Variants in DENND3 observed in about 807,000 individuals in gnomAD.
DENND3 encodes DENN domain containing 3.
In DENND3, 88 loss-of-function variants were observed where a neutral mutation model predicts 135.1. That is an observed-to-expected ratio of 0.65 (90% CI 0.55 to 0.78). The LOEUF (loss-of-function observed/expected upper bound fraction) is 0.78. DENND3 is among the 30% of genes least tolerant of loss of function. The pLI, the probability that DENND3 is intolerant of heterozygous loss-of-function variation, is 0.00. For missense variants in DENND3, 1,392 were observed against 1,688.4 expected, an observed-to-expected ratio of 0.82 and a Z score of 3.08; for synonymous variants, 693 against 712.3, an observed-to-expected ratio of 0.97 and a Z score of 0.43.
intron 19 of DENND3, among the ~76,000 whole-genome samples, chr8:141,190,029 G>C (rs1383539343): frequency 1.3e-5 from 2 of 152,100 alleles, no homozygotes; most frequent in African/African-American, 4.8e-5. Flanking sequence ...CGAGAAACCC[G>C]CCTTTTCCTG....
Position 141,194,301 on chromosome 8 carries a change from C to T in DENND3, c.*68C>T. The T allele has an allele frequency of 6.4e-7, 1 of 1,553,638 alleles. No individual in the cohort carries two copies. Among genetic ancestry groups the T allele is most frequent in the South Asian group, 1.2e-5 (1 of 84,250 alleles). ...GGACTGGCTGCCCCCTAGAGCCTGC[C>T]AGGAGCAGAAGCCTGGAGGGGTGGC... is the stretch of plus-strand genomic sequence containing the variant. On this transcript the variant is annotated 3_prime_UTR_variant, in exon 23 of 23. Transcript: ENST00000519811.
chr8:141,177,120 C>T (rs1282750219), intron 15 of DENND3: 5 of 224,498 alleles, frequency 2.2e-5, no homozygotes, highest in Admixed American at 5.3e-5. Flanking sequence ...GTGTTTTGGG[C>T]TTCCCTGCTC....
intron 18 of DENND3, among the ~76,000 whole-genome samples, chr8:141,188,125 C>A (rs1243018163): frequency 7.0e-6 from 1 of 143,040 alleles, no homozygotes; most frequent in Non-Finnish European, 1.5e-5. Context: ...ACTCGGGGGT[C>A]TGAAGCGGGA....
chr8:141,163,225 T>C, intron 9 of DENND3, 108 bp from the exon 10 acceptor site: 1 of 582,632 alleles, frequency 1.7e-6, no homozygotes, highest in Non-Finnish European at 3.1e-6. Flanking sequence ...AGAACATGGC[T>C]TTTTCAAAGT....
In DENND3 at chr8:141,144,070, T is replaced by G; in HGVS notation, c.624-78T>G. On this transcript the variant is annotated intron_variant, in intron 4 of 22. Coordinates refer to ENST00000519811, the MANE Select transcript of DENND3 (RefSeq NM_001352890.3). The surrounding 1 kb of genome is among the most constrained non-coding windows in gnomAD (Gnocchi z 4.4). Reference sequence around the variant, plus strand: ...GCTGCAGACGCTGGGGAGATTCCAGTGTGATTAGAAACGCTAACGATGACA... The same window carrying G: ...GCTGCAGACGCTGGGGAGATTCCAGGGTGATTAGAAACGCTAACGATGACA... 8.2e-7 allele frequency: 1 copy of G among 1,221,428 alleles called. No individual in the cohort carries two copies. The highest frequency in any genetic ancestry group is 1.2e-6 in the Non-Finnish European group (1 of 861,218). The allele number at this position is 1,221,428 out of a possible 1,614,324, so 75.7% of individuals were successfully genotyped here.
chr8:141,150,750 G>T, intron 5 of DENND3, 84 bp from the exon 6 acceptor site: 1 of 1,455,606 alleles, frequency 6.9e-7, no homozygotes, highest in South Asian at 1.5e-5. Flanking sequence ...CTGATGCCCT[G>T]GGCACCGAAA....
chr8:141,178,340 T>G, intron 16 of DENND3, 144 bp downstream of exon 16: 2 of 1,229,596 alleles, frequency 1.6e-6, no homozygotes, highest in Non-Finnish European at 2.2e-6. Context: ...TACTCTCGAG[T>G]CGCACACCTT....
chr8:141,182,974 G>C lies in DENND3; in HGVS notation c.2944+2120G>C, dbSNP rs1010620471. Among the ~76,000 whole-genome samples the C allele has an allele frequency of 6.6e-6, 1 of 152,230 alleles. No homozygotes were observed. The highest frequency in any genetic ancestry group is 1.5e-5 in the Non-Finnish European group (1 of 68,042). On this transcript the variant is annotated intron_variant, in intron 17 of 22. Transcript: ENST00000519811. The surrounding 1 kb of genome is among the most constrained non-coding windows in gnomAD (Gnocchi z 5.9). ...AGGCCTGCCCTTCTGGACTCAGGAC[G>C]GAGGCAGCACTGCAGGGCGGGGGGT...
In DENND3 at chr8:141,136,625, C is replaced by T. The variant is rs190044332; in HGVS notation, c.219C>T (p.Cys73=). Residue 73 remains cysteine, a synonymous_variant, in exon 2 of 23, where the codon TGC becomes TGT. Transcript: ENST00000519811. ...KEDSQMAGAN[C]GTLGKTRMRS... The stretch of plus-strand genomic sequence containing the variant: ...ACAGTCAAATGGCCGGTGCCAACTG[C>T]GGCACTCTCGGTAAAACCCGGATGC... 443 of 1,608,496 alleles carry T rather than the reference C, an allele frequency of 2.8e-4. 3 individuals are homozygous for T. The highest frequency in any genetic ancestry group is 4.7e-4 in the South Asian group (42 of 89,680).
At chr8:141,176,354 G>T in intron 14 of DENND3, 1 of 529,472 alleles carries the variant, frequency 1.9e-6, no homozygotes, top group Non-Finnish European at 3.3e-6. Context: ...GCTGCCTTCG[G>T]ACACTGGGCG....
chr8:141,131,158 G>GT (rs1010160206), intron 1 of DENND3, among the ~76,000 whole-genome samples: 5 of 151,976 alleles, frequency 3.3e-5, no homozygotes, highest in South Asian at 2.1e-4. Context: ...AGTAGTGTTT[G>GT]TTTTTTTAGG....
Position 141,194,442 on chromosome 8 carries a change from G to A in DENND3, c.*209G>A, listed in dbSNP as rs1458384553. 1.7e-6 allele frequency: 1 copy of A among 598,676 alleles called. No individual in the cohort carries two copies. Among genetic ancestry groups the A allele is most frequent in the Non-Finnish European group, 2.9e-6 (1 of 339,828 alleles). The allele number at this position is 598,676 out of a possible 1,614,324, so 37.1% of individuals were successfully genotyped here. A position where few individuals can be genotyped will look rare whatever the true frequency, so the allele number is the denominator to read the frequency against. On this transcript the variant is annotated 3_prime_UTR_variant, in exon 23 of 23. Coordinates refer to ENST00000519811, the MANE Select transcript of DENND3 (RefSeq NM_001352890.3). ...GGCCCCCTGGTTAAACTGCACCAAG[G>A]GTGTTTCCTGTTGGGGTGTGTCTCA...
At chr8:141,193,514 G>C (rs940765257) in intron 22 of DENND3, 1 of 163,488 alleles carries the variant, frequency 6.1e-6, no homozygotes, top group Non-Finnish European at 1.4e-5. Flanking sequence ...GGGCCAGGCA[G>C]AGGTTAGACA....
rs1217622148 is a variant in DENND3 at position 141,146,861 on chromosome 8, G to A, written c.735+2602G>A. On this transcript the variant is annotated intron_variant, in intron 5 of 22. Coordinates refer to ENST00000519811, the MANE Select transcript of DENND3 (RefSeq NM_001352890.3). This position sits in a 1 kb window ranked among gnomAD's most constrained non-coding sequence, Gnocchi z 4.3. ...CAGTATGTGCAGTGAAATCATCAAA[G>A]TTTATGTTCTTGTTCTGTAAACGCA... Among the ~76,000 whole-genome samples, 1 of 152,204 alleles carries A rather than the reference G, an allele frequency of 6.6e-6. No individual in the cohort carries two copies. Among genetic ancestry groups the A allele is most frequent in the Non-Finnish European group, 1.5e-5 (1 of 68,038 alleles).
chr8:141,148,743 A>AT (rs555448156), intron 5 of DENND3, among the ~76,000 whole-genome samples: 41 of 147,472 alleles, frequency 2.8e-4, no homozygotes, highest in African/African-American at 4.9e-4. Flanking sequence ...TAGCATTTGT[A>AT]TTTTTTTTTT....
Position 141,182,221 on chromosome 8 carries a change from G to T in DENND3, c.2944+1367G>T. 1 of 826,192 alleles carries T rather than the reference G, an allele frequency of 1.2e-6. No individual in the cohort carries two copies. The highest frequency in any genetic ancestry group is 5.5e-5 in the South Asian group (1 of 18,176). The allele number at this position is 826,192 out of a possible 1,614,324, so 51.2% of individuals were successfully genotyped here. On this transcript the variant is annotated intron_variant, in intron 17 of 22. Transcript: ENST00000519811. The surrounding 1 kb of genome is among the most constrained non-coding windows in gnomAD (Gnocchi z 5.9). ...CAGGCCATGTCCGCGGCTTCACAGA[G>T]CACCTGGCCATTCACACACGGAGCT...
intron 4 of DENND3, chr8:141,142,722 TTTA>T: frequency 5.2e-6 from 1 of 193,486 alleles, no homozygotes; most frequent in Admixed American, 5.5e-5. Context: ...ATGGTCCCCT[TTTA>T]TTCACTAACT....
rs761486310 is a variant in DENND3 at position 141,178,081 on chromosome 8, C to T, written c.2721C>T (p.Val907=). Reference sequence around the variant, plus strand: ...TTCTGTTGTAGGACCCTCACTACGTCCAGCAGGCGCTGACCAACGTCTTGC... The same window carrying T: ...TTCTGTTGTAGGACCCTCACTACGTTCAGCAGGCGCTGACCAACGTCTTGC... The part of the protein sequence containing the change: ...LADDHKDPHY[V]QQALTNVLLM... Residue 907 remains valine, a synonymous_variant, in exon 16 of 23, where the codon GTC becomes GTT. Transcript: ENST00000519811. 6.2e-7 allele frequency: 1 copy of T among 1,608,242 alleles called. No homozygotes were observed. The highest frequency in any genetic ancestry group is 1.1e-5 in the South Asian group (1 of 90,888).
At chr8:141,187,946 G>C (rs138852330) in intron 18 of DENND3, among the ~76,000 whole-genome samples, 99 of 152,278 alleles carry the variant, frequency 6.5e-4, no homozygotes, top group African/African-American at 1.9e-3. Context: ...CAGCACTTTG[G>C]GGGGCCGAAG....
Sources: allele counts gnomAD v4.1 joint callset (sites outside exome capture counted in the v4.1 genomes callset), GRCh38; gene constraint gnomAD v4.1.1; non-coding constraint Gnocchi (gnomAD v3.1); transcripts MANE v1.5; gene names NCBI Gene and HGNC (gene_info 2026-07-23, HGNC 2026-07-21).